MGAT4C: variants seen among roughly 807,000 people sequenced by gnomAD.
MGAT4C encodes alpha-1,3-mannosyl-glycoprotein 4-beta-N-acetylglucosaminyltransferase C.
In MGAT4C, 19 loss-of-function variants were observed where a neutral mutation model predicts 40.1. That is an observed-to-expected ratio of 0.47 (90% CI 0.33 to 0.70). The LOEUF is 0.70. MGAT4C is among the 30% of genes least tolerant of loss of function. The pLI is 0.02. For missense variants in MGAT4C, 491 were observed against 563.2 expected (o/e 0.87, Z 1.30); for synonymous variants, 181 against 187.1 (o/e 0.97, Z 0.27).
At chr12:86,622,069 T>C (rs1305727882) in intron 2 of MGAT4C, among the ~76,000 whole-genome samples, 1 of 152,174 alleles carries the variant, frequency 6.6e-6, no homozygotes, top group African/African-American at 2.4e-5. Flanking sequence ...TAAGGTAGGC[T>C]AGGCTTAGCT....
At chr12:86,227,628 T>C (rs1951145265) in intron 1 of MGAT4C, among the ~76,000 whole-genome samples, 1 of 152,000 alleles carries the variant, frequency 6.6e-6, no homozygotes, top group African/African-American at 2.4e-5. Flanking sequence ...ATTGCCCTAA[T>C]TGCCTTTACT....
intron 1 of MGAT4C, among the ~76,000 whole-genome samples, chr12:86,834,044 T>C (rs888947419): frequency 2.6e-5 from 4 of 151,858 alleles, no homozygotes; most frequent in Non-Finnish European, 4.4e-5. Context: ...TCATTGTGTA[T>C]ATATACCAGA....
At chr12:86,019,475 A>G (rs1369583507) in intron 2 of MGAT4C, among the ~76,000 whole-genome samples, 1 of 152,152 alleles carries the variant, frequency 6.6e-6, no homozygotes, top group Non-Finnish European at 1.5e-5. Flanking sequence ...AGAGAGATAA[A>G]CATTAGGTGC....
chr12:86,544,395 G>C (rs1399216707), intron 2 of MGAT4C, among the ~76,000 whole-genome samples: 1 of 151,736 alleles, frequency 6.6e-6, no homozygotes, highest in Non-Finnish European at 1.5e-5. Flanking sequence ...TATGTTCTTG[G>C]TGGATTTATT....
chr12:86,007,970 T>C (rs1321573882), intron 2 of MGAT4C, among the ~76,000 whole-genome samples: 2 of 151,990 alleles, frequency 1.3e-5, no homozygotes, highest in Non-Finnish European at 2.9e-5. Flanking sequence ...TGAAAATCAG[T>C]TGGATATATA....
intron 2 of MGAT4C, among the ~76,000 whole-genome samples, chr12:86,525,170 A>T (rs1481399806): frequency 6.6e-6 from 1 of 152,198 alleles, no homozygotes; most frequent in Non-Finnish European, 1.5e-5. Context: ...TAACTGAATC[A>T]TGGACGCAGT....
At chr12:86,299,092 T>A (rs1258668934) in intron 4 of MGAT4C, among the ~76,000 whole-genome samples, 4 of 152,154 alleles carry the variant, frequency 2.6e-5, no homozygotes, top group Non-Finnish European at 5.9e-5. Flanking sequence ...TATAGAATAC[T>A]CTGATCTTTT....
chr12:86,112,270 T>C (rs1314489686), intron 1 of MGAT4C, among the ~76,000 whole-genome samples: 1 of 151,766 alleles, frequency 6.6e-6, no homozygotes. Flanking sequence ...AATGGTGCTA[T>C]GTAATCTCGC....
rs912229774 is a variant in MGAT4C, at chr12:86,645,468, T to TA, written c.-229+81740dup. 2.6e-4 allele frequency among the ~76,000 whole-genome samples: 39 copies of TA among 151,786 alleles called. 1 individual carries two copies. The highest frequency in any genetic ancestry group is 8.2e-4 in the African/African-American group (34 of 41,392). ...CCATTACAGAAGAAATGCTCGGTGGTAAAAATCAGTCACCTGTGTCAAGGC... is the reference window on the plus strand; with the variant it reads ...CCATTACAGAAGAAATGCTCGGTGGTAAAAAATCAGTCACCTGTGTCAAGGC... On this transcript the variant is annotated intron_variant, in intron 2 of 7. Transcript: ENST00000548651.
At chr12:86,202,866 T>C (rs553956714) in intron 1 of MGAT4C, among the ~76,000 whole-genome samples, 2 of 152,152 alleles carry the variant, frequency 1.3e-5, no homozygotes, top group Non-Finnish European at 2.9e-5. Context: ...ATTTCAAAAT[T>C]ATTCTTTCAT....
chr12:86,282,393 T>C (rs1034972376), intron 4 of MGAT4C, among the ~76,000 whole-genome samples: 1 of 152,144 alleles, frequency 6.6e-6, no homozygotes, highest in African/African-American at 2.4e-5. Flanking sequence ...TTTTGAATAT[T>C]GGAGTTTTCA....
At chr12:86,339,721 C>A (rs879464375) in intron 3 of MGAT4C, among the ~76,000 whole-genome samples, 42 of 152,082 alleles carry the variant, frequency 2.8e-4, no homozygotes, top group Non-Finnish European at 5.4e-4. Flanking sequence ...ATAGTATATA[C>A]ACACACACCT....
chr12:86,826,351 A>C (rs942610069), intron 1 of MGAT4C, among the ~76,000 whole-genome samples: 5 of 151,354 alleles, frequency 3.3e-5, no homozygotes, highest in African/African-American at 1.2e-4. Flanking sequence ...ATCTGGTAGG[A>C]GACAGGGCAG....
rs1015425615 is a variant in MGAT4C, at chr12:86,003,822, T to C, written c.-6-14270A>G. On this transcript the variant is annotated intron_variant, in intron 2 of 4. Transcript: ENST00000611864. ...ATTAATGCAAAACTAGATTTTTTTT[T>C]CTGTGGAAAATGCCAGTTTTCTTGG... is the stretch of plus-strand genomic sequence containing the variant. Among the ~76,000 whole-genome samples the C allele has an allele frequency of 5.9e-5, 9 of 152,024 alleles. No homozygotes were observed. The South Asian group carries it at 6.2e-4, about 10-fold the overall frequency.
chr12:86,395,120 T>C (rs1956235769), intron 3 of MGAT4C, among the ~76,000 whole-genome samples: 1 of 152,040 alleles, frequency 6.6e-6, no homozygotes, highest in South Asian at 2.1e-4. Flanking sequence ...AGTAAAGTAA[T>C]GTAAGGTTAA....
chr12:86,416,039 C>G (rs1315076347), intron 3 of MGAT4C, among the ~76,000 whole-genome samples: 1 of 151,960 alleles, frequency 6.6e-6, no homozygotes, highest in East Asian at 1.9e-4. Context: ...ATATAAAATA[C>G]ATTTCGAACA....
At chr12:86,609,894 T>C (rs1002522797) in intron 2 of MGAT4C, among the ~76,000 whole-genome samples, 5 of 152,148 alleles carry the variant, frequency 3.3e-5, no homozygotes, top group Non-Finnish European at 7.4e-5. Context: ...TTGTCTTCCC[T>C]CCAACTTTGA....
chr12:86,252,269 T>A (rs1453479951), intron 1 of MGAT4C, among the ~76,000 whole-genome samples: 2 of 152,042 alleles, frequency 1.3e-5, no homozygotes, highest in African/African-American at 4.8e-5. Flanking sequence ...AAATGGGCAT[T>A]ACTAAAGGGA....
chr12:86,189,337 G>T (rs1009740643), intron 1 of MGAT4C, among the ~76,000 whole-genome samples: 12 of 151,682 alleles, frequency 7.9e-5, no homozygotes, highest in African/African-American at 2.9e-4. Flanking sequence ...AAGGTAACTG[G>T]ATTCTCAAGA....
Sources: allele counts gnomAD v4.1 joint callset (sites outside exome capture counted in the v4.1 genomes callset), GRCh38; gene constraint gnomAD v4.1.1; transcripts MANE v1.5; gene names NCBI Gene and HGNC (gene_info 2026-07-23, HGNC 2026-07-21).